The following UMAD1 variants were observed in gnomAD, a reference collection of about 807,000 sequenced individuals.
UMAD1 encodes the protein UBAP1-MVB12-associated (UMA)-domain containing protein 1.
A neutral mutation model predicts 6.1 loss-of-function variants in UMAD1; 8 were observed. That is an observed-to-expected ratio of 1.30 (90% CI 0.76 to 2.35). UMAD1 has a LOEUF of 2.35. UMAD1 is among the 30% of genes most tolerant of loss of function. The pLI is 0.00. For synonymous variants in UMAD1, 56 were observed against 31.4 expected (o/e 1.78, Z -2.61); for missense variants, 130 against 78.4 (o/e 1.66, Z -2.49).
intron 3 of UMAD1, among the ~76,000 whole-genome samples, chr7:7,844,543 C>A (rs527276497): frequency 1.3e-5 from 2 of 152,262 alleles, no homozygotes; most frequent in African/African-American, 4.8e-5. Context: ...TTGGAATTGG[C>A]ATTCATTGAT....
chr7:7,692,837 G>T (rs2115139462), intron 2 of UMAD1, among the ~76,000 whole-genome samples: 1 of 152,248 alleles, frequency 6.6e-6, no homozygotes, highest in Non-Finnish European at 1.5e-5. Flanking sequence ...TTGATCTCTT[G>T]ACCTCGTGAT....
intron 1 of UMAD1, among the ~76,000 whole-genome samples, chr7:7,656,089 C>G (rs1785335362): frequency 6.6e-6 from 1 of 152,126 alleles, no homozygotes; most frequent in Non-Finnish European, 1.5e-5. Context: ...CCTGCCTCTG[C>G]CTCCCAAAGT....
chr7:7,696,220 T>A (rs1316712040), intron 2 of UMAD1, among the ~76,000 whole-genome samples: 2 of 151,606 alleles, frequency 1.3e-5, no homozygotes, highest in East Asian at 3.9e-4. Flanking sequence ...TTGCCCAGGC[T>A]ACCAGTGTAA....
At chr7:7,684,301 A>T (rs1324461308) in intron 2 of UMAD1, among the ~76,000 whole-genome samples, 1 of 151,898 alleles carries the variant, frequency 6.6e-6, no homozygotes, top group Non-Finnish European at 1.5e-5. Context: ...TCCCGCGTTC[A>T]AGCAATTCTC....
intron 1 of UMAD1, among the ~76,000 whole-genome samples, chr7:7,671,821 C>T (rs1488336433): frequency 6.6e-6 from 1 of 152,140 alleles, no homozygotes; most frequent in Non-Finnish European, 1.5e-5. Context: ...TCTTTTGTAT[C>T]TATTACTATA....
At chr7:7,823,806 A>C (rs898772354) in intron 3 of UMAD1, among the ~76,000 whole-genome samples, 2 of 152,144 alleles carry the variant, frequency 1.3e-5, no homozygotes, top group African/African-American at 4.8e-5. Flanking sequence ...TTTAGGTGAA[A>C]AATGCTTCCT....
At chr7:7,832,516 A>C (rs892262817) in intron 3 of UMAD1, among the ~76,000 whole-genome samples, 9 of 152,184 alleles carry the variant, frequency 5.9e-5, no homozygotes, top group African/African-American at 2.2e-4. Context: ...AGGAAGAAAA[A>C]TGAGGAGACC....
At chr7:7,783,653 A>C (rs114467832) in intron 2 of UMAD1, among the ~76,000 whole-genome samples, 2,088 of 152,326 alleles carry the variant, frequency 0.014, 49 homozygotes, top group African/African-American at 0.047. Flanking sequence ...AGGTAAACTG[A>C]TGTGCTTTCA....
chr7:7,716,304 T>G (rs929070165), intron 2 of UMAD1, among the ~76,000 whole-genome samples: 1 of 152,224 alleles, frequency 6.6e-6, no homozygotes, highest in Non-Finnish European at 1.5e-5. Context: ...GTATTTATTC[T>G]TATAACTTCA....
At chr7:7,669,921 C>T (rs1234169782) in intron 1 of UMAD1, among the ~76,000 whole-genome samples, 1 of 151,956 alleles carries the variant, frequency 6.6e-6, no homozygotes, top group Non-Finnish European at 1.5e-5. Context: ...CCTAAATTAT[C>T]CCTCCTTCTA....
chr7:7,707,210 A>G (rs1215537185), intron 2 of UMAD1, among the ~76,000 whole-genome samples: 1 of 152,204 alleles, frequency 6.6e-6, no homozygotes, highest in Non-Finnish European at 1.5e-5. Flanking sequence ...TGGTCTGTAC[A>G]GCAAAGATTA....
intron 3 of UMAD1, among the ~76,000 whole-genome samples, chr7:7,803,390 G>A (rs1001583677): frequency 1.3e-5 from 2 of 152,186 alleles, no homozygotes; most frequent in African/African-American, 4.8e-5. Flanking sequence ...TGGGAGAATT[G>A]CTTGAGCCCG....
intron 2 of UMAD1, among the ~76,000 whole-genome samples, chr7:7,725,565 C>T (rs1056672947): frequency 2.6e-5 from 4 of 152,178 alleles, no homozygotes; most frequent in South Asian, 4.1e-4. Flanking sequence ...GGAAACTGAA[C>T]GTTTGACTAT....
chr7:7,838,005 A>G (rs1431754767), intron 3 of UMAD1, among the ~76,000 whole-genome samples: 2 of 152,182 alleles, frequency 1.3e-5, no homozygotes, highest in African/African-American at 4.8e-5. Context: ...CTAATGTTGT[A>G]TGCCCCCAAT....
rs557574161 is a variant in UMAD1 at position 7,878,332 on chromosome 7, A to T, written c.*794A>T. On this transcript the variant is annotated 3_prime_UTR_variant, in exon 4 of 4. Coordinates refer to ENST00000682710, the MANE Select transcript of UMAD1 (RefSeq NM_001302348.2). ...ATGAAGAGATCCACATTTCCTTTCA[A>T]CCCCTCTGCCTCCTGAAGAAAAACA... The T allele has an allele frequency of 6.6e-6, 1 of 152,148 alleles. No individual in the cohort carries two copies. Among genetic ancestry groups the T allele is most frequent in the African/African-American group, 2.4e-5 (1 of 41,500 alleles). 9.4% of individuals were successfully genotyped at this position (152,148 alleles called of 1,614,324 possible). A position where few individuals can be genotyped will look rare whatever the true frequency, so the allele number is the denominator to read the frequency against.
chr7:7,665,080 A>G (rs770504803), intron 1 of UMAD1, among the ~76,000 whole-genome samples: 45 of 152,212 alleles, frequency 3.0e-4, no homozygotes, highest in Non-Finnish European at 5.7e-4. Flanking sequence ...AGCTGCATCA[A>G]TCACACAGGA....
intron 2 of UMAD1, among the ~76,000 whole-genome samples, chr7:7,675,407 C>T (rs948567431): frequency 6.6e-6 from 1 of 152,136 alleles, no homozygotes; most frequent in South Asian, 2.1e-4. Flanking sequence ...CCTCCAATTT[C>T]TGGTAGCATG....
At chr7:7,853,929 G>A (rs1223558350) in intron 3 of UMAD1, among the ~76,000 whole-genome samples, 1 of 152,120 alleles carries the variant, frequency 6.6e-6, no homozygotes, top group Non-Finnish European at 1.5e-5. Flanking sequence ...CATTAATAAT[G>A]TTGTCAGCTT....
chr7:7,704,158 G>T (rs548757286), intron 2 of UMAD1, among the ~76,000 whole-genome samples: 1 of 152,248 alleles, frequency 6.6e-6, no homozygotes, highest in East Asian at 1.9e-4. Flanking sequence ...GAATGCAGAA[G>T]AGAAAGGCCA....
Sources: allele counts gnomAD v4.1 joint callset (sites outside exome capture counted in the v4.1 genomes callset), GRCh38; gene constraint gnomAD v4.1.1; transcripts MANE v1.5; gene names NCBI Gene and HGNC (gene_info 2026-07-23, HGNC 2026-07-21).